The following CDCA2 variants were observed in gnomAD, a reference collection of about 807,000 sequenced individuals.
CDCA2 encodes the protein cell division cycle-associated protein 2.
In CDCA2, 44 loss-of-function variants were observed where a neutral mutation model predicts 67.0. The observed-to-expected ratio is 0.66, with a 90% confidence interval of 0.52 to 0.84. The LOEUF (loss-of-function observed/expected upper bound fraction) is 0.84, where lower values mean the gene tolerates loss of function less well. CDCA2 is among the 40% of genes least tolerant of loss of function. The pLI is 0.00. For missense variants in CDCA2, 1,253 were observed against 1,203.2 expected, an observed-to-expected ratio of 1.04 and a Z score of -0.61; for synonymous variants, 447 against 418.7, an observed-to-expected ratio of 1.07 and a Z score of -0.82.
chr8:25,479,576 C>T, intron 7 of CDCA2: 2 of 305,076 alleles, frequency 6.6e-6, no homozygotes, highest in Non-Finnish European at 6.3e-6. Flanking sequence ...TTTTATGGTC[C>T]AAGTAGTGGG....
chr8:25,468,416 A>G lies in CDCA2; in HGVS notation c.735+3A>G, dbSNP rs765078740. On this transcript the variant is annotated splice_donor_region_variant and intron_variant, in intron 6 of 14. Transcript: ENST00000330560. ...AAACTTCTGTAGATCTTTCTGAGGT[A>G]ATTCACTTACTTTACGCATAGGAAA... is the stretch of plus-strand genomic sequence containing the variant. The G allele has an allele frequency of 7.5e-6, 12 of 1,607,634 alleles. No individual in the cohort carries two copies. Among genetic ancestry groups the G allele is most frequent in the Middle Eastern group, 1.9e-4 (1 of 5,366 alleles).
At position 25,487,345 on chromosome 8, in the gene CDCA2, G is replaced by C. The variant is rs1249264116; in HGVS notation, c.1533+11G>C. ...TCTAACAGAAGAAATGTAAGTGTTT[G>C]TGTTTGGCACAACGTATTTGTTTTT... On this transcript the variant is annotated intron_variant, in intron 12 of 14. Transcript: ENST00000330560. 3 of 1,531,790 alleles carry C rather than the reference G, an allele frequency of 2.0e-6. No individual in the cohort carries two copies. Among genetic ancestry groups the C allele is most frequent in the Non-Finnish European group, 2.7e-6 (3 of 1,109,414 alleles). The allele number at this position is 1,531,790 out of a possible 1,614,324, so 94.9% of individuals were successfully genotyped here. A position where few individuals can be genotyped will look rare whatever the true frequency, so the allele number is the denominator to read the frequency against.
chr8:25,485,673 C>T, intron 10 of CDCA2, 86 bp from the exon 11 acceptor site: 14 of 665,438 alleles, frequency 2.1e-5, no homozygotes, highest in Middle Eastern at 2.7e-4. Context: ...TTTCTCCTAC[C>T]AAAATAAATT....
At chr8:25,487,721 C>T (rs917149051) in intron 12 of CDCA2, among the ~76,000 whole-genome samples, 8 of 151,916 alleles carry the variant, frequency 5.3e-5, no homozygotes, top group Non-Finnish European at 5.9e-5. Context: ...CCAGCCTGGG[C>T]GGAGTGAGAC....
chr8:25,507,678 G>A lies in CDCA2; in HGVS notation c.3012G>A (p.Lys1004=), dbSNP rs907839885. The A allele has an allele frequency of 6.2e-7, 1 of 1,614,014 alleles. No homozygotes were observed. Among genetic ancestry groups the A allele is most frequent in the Non-Finnish European group, 8.5e-7 (1 of 1,179,988 alleles). The stretch of plus-strand genomic sequence containing the variant: ...GGAGAAGATCCTCTCTTAATGGGAA[G>A]GGAGAGAGCTCTCTGACTGCCTTGG... ...GYRRRSSLNG[K]GESSLTALER... Residue 1004 remains lysine, a synonymous_variant, in exon 15 of 15, where the codon AAG becomes AAA. Transcript: ENST00000330560.
At chr8:25,473,115 T>C (rs1336868794) in intron 7 of CDCA2, among the ~76,000 whole-genome samples, 3 of 152,260 alleles carry the variant, frequency 2.0e-5, no homozygotes, top group African/African-American at 7.2e-5. Flanking sequence ...GGTTTTTGTC[T>C]TTTGTGCCTG....
chr8:25,465,826 A>G (rs1300241832), intron 4 of CDCA2, among the ~76,000 whole-genome samples: 2 of 152,328 alleles, frequency 1.3e-5, no homozygotes, highest in Admixed American at 1.3e-4. Flanking sequence ...CACAAGCACC[A>G]TGCAGATGGC....
At chr8:25,460,128 T>A (rs535559017) in intron 1 of CDCA2, 112 bp from the exon 2 acceptor site, 5 of 1,008,584 alleles carry the variant, frequency 5.0e-6, no homozygotes, top group Non-Finnish European at 7.8e-6. Context: ...GTGACGTGTG[T>A]TTCTATGCCA....
chr8:25,483,106 C>A (rs1027718650), intron 8 of CDCA2, among the ~76,000 whole-genome samples: 12 of 152,048 alleles, frequency 7.9e-5, no homozygotes, highest in African/African-American at 2.2e-4. Flanking sequence ...TCACGTTTTC[C>A]TTAGCTTTAT....
rs1346914882 is a variant in CDCA2 at position 25,507,404 on chromosome 8, C to T, written c.2738C>T (p.Pro913Leu). 5.0e-6 allele frequency: 8 copies of T among 1,613,974 alleles called. No homozygotes were observed. Among genetic ancestry groups the T allele is most frequent in the Non-Finnish European group, 6.8e-6 (8 of 1,180,002 alleles). ...CTTGTATGGATTTCACTTCCACTTCCTTCCACTTCCCAAAAAGCCAAAAGA... is the reference window on the plus strand; with the variant it reads ...CTTGTATGGATTTCACTTCCACTTCTTTCCACTTCCCAAAAAGCCAAAAGA... Reference protein sequence around the residue: ...EGLVWISLPLPSTSQKAKRRT... With the variant: ...EGLVWISLPLLSTSQKAKRRT... Residue 913 changes from proline to leucine, a missense_variant, in exon 15 of 15, where the codon CCT (proline) becomes CTT (leucine). Pro to Leu is a moderately conservative substitution (Grantham distance 98, BLOSUM62 -3). Transcript: ENST00000330560.
At chr8:25,461,325 T>C (rs1008812691) in intron 3 of CDCA2, among the ~76,000 whole-genome samples, 1 of 150,938 alleles carries the variant, frequency 6.6e-6, no homozygotes, top group Non-Finnish European at 1.5e-5. Context: ...CTAATGTCCT[T>C]CGAGCAGTAG....
intron 12 of CDCA2, among the ~76,000 whole-genome samples, chr8:25,487,646 G>C (rs1803834780): frequency 6.6e-6 from 1 of 152,146 alleles, no homozygotes; most frequent in South Asian, 2.1e-4. Context: ...GGGAGGCTGA[G>C]GCAGGAGAAT....
At position 25,483,916 on chromosome 8, in the gene CDCA2, A is replaced by C; in HGVS notation, c.1121-50A>C. On this transcript the variant is annotated intron_variant, in intron 9 of 14. Coordinates refer to ENST00000330560, the MANE Select transcript of CDCA2 (RefSeq NM_152562.4). The stretch of plus-strand genomic sequence containing the variant: ...GATTCTAGTATATGCCTTTTAGATA[A>C]GAAATATAGCTTAATTTTTAAGTTA... 2.0e-6 allele frequency: 3 copies of C among 1,516,538 alleles called. No individual in the cohort carries two copies. The South Asian group carries it at 3.5e-5, about 18-fold the overall frequency. 93.9% of individuals were successfully genotyped at this position (1,516,538 alleles called of 1,614,324 possible). A position where few individuals can be genotyped will look rare whatever the true frequency, so the allele number is the denominator to read the frequency against.
At chr8:25,463,811 C>T (rs539912653) in intron 4 of CDCA2, among the ~76,000 whole-genome samples, 2 of 152,158 alleles carry the variant, frequency 1.3e-5, no homozygotes, top group African/African-American at 2.4e-5. Context: ...CTGATGCCTT[C>T]GTACGCCCAC....
At chr8:25,469,121 A>G (rs1803051897) in intron 6 of CDCA2, among the ~76,000 whole-genome samples, 1 of 152,248 alleles carries the variant, frequency 6.6e-6, no homozygotes, top group Non-Finnish European at 1.5e-5. Context: ...CTGGTTTGAC[A>G]CAGTAGCTCC....
intron 14 of CDCA2, among the ~76,000 whole-genome samples, chr8:25,504,198 T>A (rs1375923173): frequency 1.3e-5 from 2 of 152,180 alleles, no homozygotes; most frequent in African/African-American, 4.8e-5. Context: ...TCAGTTGATA[T>A]ATGGGGTAGA....
chr8:25,466,382 G>A (rs1802904441), intron 5 of CDCA2, 57 bp downstream of exon 5: 1 of 1,456,980 alleles, frequency 6.9e-7, no homozygotes, highest in Admixed American at 2.6e-5. Context: ...ACAAGCTTCT[G>A]AGTTATGAAA....
chr8:25,465,071 T>G (rs1431409747), intron 4 of CDCA2, among the ~76,000 whole-genome samples: 1 of 152,148 alleles, frequency 6.6e-6, no homozygotes, highest in Non-Finnish European at 1.5e-5. Flanking sequence ...CCTCCCAGGT[T>G]CAAGCGATTC....
chr8:25,460,600 ATAACTT>A (rs766388920), intron 3 of CDCA2, 46 bp downstream of exon 3: 15 of 1,552,088 alleles, frequency 9.7e-6, no homozygotes, highest in Non-Finnish European at 1.3e-5. Flanking sequence ...AAGTTTAAAA[ATAACTT>A]TAATATAACT....
Sources: gnomAD v4.1 joint callset for allele counts (sites outside exome capture counted in the v4.1 genomes callset) on GRCh38, gnomAD v4.1.1 for gene constraint, MANE v1.5 for transcripts, NCBI Gene and HGNC (gene_info 2026-07-23, HGNC 2026-07-21) for gene names.